The following PKHD1 variants were observed in gnomAD, a reference collection of about 807,000 sequenced individuals.
PKHD1 encodes PKHD1 ciliary IPT domain containing fibrocystin/polyductin.
A neutral mutation model predicts 412.0 loss-of-function variants in PKHD1; 291 were observed. The observed-to-expected ratio is 0.71, with a 90% CI of 0.64 to 0.78. PKHD1 has a LOEUF of 0.78. PKHD1 is among the 30% of genes least tolerant of loss of function. PKHD1 has a pLI of 0.00. For missense variants in PKHD1, 4,825 were observed against 4,950.7 expected (o/e 0.97, Z 0.76); for synonymous variants, 1,777 against 1,821.5 (o/e 0.98, Z 0.62).
intron 43 of PKHD1, among the ~76,000 whole-genome samples, chr6:51,888,345 G>T (rs1778534712): frequency 6.6e-6 from 1 of 152,068 alleles, no homozygotes; most frequent in Admixed American, 6.5e-5. Context: ...AACACAATGA[G>T]GTTATCTTTA....
At chr6:52,000,353 A>T (rs1798221223) in intron 35 of PKHD1, among the ~76,000 whole-genome samples, 1 of 152,224 alleles carries the variant, frequency 6.6e-6, no homozygotes, top group South Asian at 2.1e-4. Flanking sequence ...GCAATTTCAT[A>T]GCAAGCAGGC....
At chr6:51,904,440 C>T (rs543721760) in intron 41 of PKHD1, among the ~76,000 whole-genome samples, 1 of 152,186 alleles carries the variant, frequency 6.6e-6, no homozygotes, top group African/African-American at 2.4e-5. Flanking sequence ...CATCTAGGAC[C>T]TTCTCACCCA....
intron 35 of PKHD1, among the ~76,000 whole-genome samples, chr6:51,987,962 A>AT (rs1426746045): frequency 1.3e-5 from 2 of 152,078 alleles, no homozygotes; most frequent in South Asian, 2.1e-4. Context: ...TAAAATGGAG[A>AT]TTTTTTGAGG....
chr6:51,980,927 G>T (rs1434245488), intron 35 of PKHD1, among the ~76,000 whole-genome samples: 1 of 152,142 alleles, frequency 6.6e-6, no homozygotes, highest in Non-Finnish European at 1.5e-5. Context: ...TATCAAGATG[G>T]TAGAATGTTT....
chr6:51,888,800 A>G (rs1397864319), intron 43 of PKHD1, among the ~76,000 whole-genome samples: 1 of 149,746 alleles, frequency 6.7e-6, no homozygotes, highest in African/African-American at 2.5e-5. Context: ...TCTCAGTGTC[A>G]CACGCTCACA....
chr6:51,757,861 T>A (rs1403916666), intron 55 of PKHD1, among the ~76,000 whole-genome samples: 1 of 150,230 alleles, frequency 6.7e-6, no homozygotes, highest in African/African-American at 2.5e-5. Context: ...AAAAAAAAAA[T>A]GTAGCCTAGC....
chr6:52,006,012 C>T (rs1799000433), intron 35 of PKHD1, among the ~76,000 whole-genome samples: 1 of 149,678 alleles, frequency 6.7e-6, no homozygotes, highest in Non-Finnish European at 1.5e-5. Flanking sequence ...GGCTGTACCC[C>T]TCAATGGGAG....
At chr6:52,027,933 C>A in intron 30 of PKHD1, 37 bp from the exon 31 acceptor site, 2 of 1,502,632 alleles carry the variant, frequency 1.3e-6, no homozygotes, top group Non-Finnish European at 1.9e-6. Flanking sequence ...AAATAACTGA[C>A]AGAGAGAGAT....
chr6:51,789,075 T>C (rs892062493), intron 53 of PKHD1, among the ~76,000 whole-genome samples: 2 of 152,206 alleles, frequency 1.3e-5, no homozygotes, highest in Non-Finnish European at 2.9e-5. Flanking sequence ...CTGGGAATAG[T>C]TCTTTCTCCC....
intron 53 of PKHD1, among the ~76,000 whole-genome samples, chr6:51,787,180 G>A (rs1298510076): frequency 1.3e-5 from 2 of 152,120 alleles, no homozygotes; most frequent in African/African-American, 2.4e-5. Context: ...CCAACATGGT[G>A]AAACCCTGTC....
chr6:51,794,476 T>C (rs561645026), intron 52 of PKHD1, among the ~76,000 whole-genome samples: 3 of 152,274 alleles, frequency 2.0e-5, no homozygotes, highest in Non-Finnish European at 4.4e-5. Flanking sequence ...TGTAGCTTGA[T>C]TACCCTGATG....
rs777439001 is a variant in PKHD1 at position 51,619,524 on chromosome 6, G to A, written c.11786-4C>T. On this transcript the variant is annotated splice_polypyrimidine_tract_variant and splice_region_variant and intron_variant, in intron 66 of 66. Transcript: ENST00000371117. ...AGCATGACCTTCATTCTCATATCTGGGGGGAAAAGAAATAGGGGAAGAAAT... is the reference window on the plus strand; with the variant it reads ...AGCATGACCTTCATTCTCATATCTGAGGGGAAAAGAAATAGGGGAAGAAAT... 1.2e-6 allele frequency: 2 copies of A among 1,612,312 alleles called. No homozygotes were observed.
intron 35 of PKHD1, among the ~76,000 whole-genome samples, chr6:51,976,421 T>C (rs1794445173): frequency 6.6e-6 from 1 of 152,206 alleles, no homozygotes; most frequent in Non-Finnish European, 1.5e-5. Flanking sequence ...TAATTCCACT[T>C]GTATAAAGTG....
chr6:51,713,910 G>A (rs1780937200), intron 60 of PKHD1, among the ~76,000 whole-genome samples: 2 of 152,254 alleles, frequency 1.3e-5, no homozygotes, highest in South Asian at 4.2e-4. Flanking sequence ...AGCACAACTA[G>A]TCTCTCACCT....
In PKHD1 at chr6:52,025,196, G is replaced by A. The variant is rs1801959557; in HGVS notation, c.4614C>T (p.Cys1538=). Residue 1538 remains cysteine, a synonymous_variant, in exon 32 of 67, where the codon TGC becomes TGT. Transcript: ENST00000371117. ...GTCCTGGGGCCAAGTCTCTTGTCTGGCACACAACGTGGCTTGCATTAAAAA... is the reference window on the plus strand; with the variant it reads ...GTCCTGGGGCCAAGTCTCTTGTCTGACACACAACGTGGCTTGCATTAAAAA... ...VTFFNASHVV[C]QTRDLAPGPH... is the part of the protein sequence containing the mutation. 6.2e-7 allele frequency: 1 copy of A among 1,614,108 alleles called. No individual in the cohort carries two copies. Among genetic ancestry groups the A allele is most frequent in the Non-Finnish European group, 8.5e-7 (1 of 1,180,016 alleles).
rs1407883090 is a variant in PKHD1, at chr6:52,042,871, C to G, written c.3085G>C (p.Ala1029Pro). Reference sequence around the variant, plus strand: ...CTCCCCAGATTACCAATATCCGCAGCTCTGGAAGGCTCCACCATATCCAGT... The same window carrying G: ...CTCCCCAGATTACCAATATCCGCAGGTCTGGAAGGCTCCACCATATCCAGT... ...PRLDMVEPSR[A>P]ADIGGLWATI... Residue 1029 changes from alanine (A) to proline (P), a missense_variant, in exon 27 of 67, where the codon GCT becomes CCT. Transcript: ENST00000371117. 1 of 1,613,784 alleles carries G rather than the reference C, an allele frequency of 6.2e-7. No homozygotes were observed. The highest frequency in any genetic ancestry group is 1.3e-5 in the African/African-American group (1 of 75,018).
In PKHD1 at chr6:51,618,597, G is replaced by C; in HGVS notation, c.*484C>G. 1 of 191,418 alleles carries C rather than the reference G, an allele frequency of 5.2e-6. No individual in the cohort carries two copies. The highest frequency in any genetic ancestry group is 1.0e-4 in the South Asian group (1 of 9,982). 11.9% of individuals were successfully genotyped at this position (191,418 alleles called of 1,614,324 possible). A position where few individuals can be genotyped will look rare whatever the true frequency, so the allele number is the denominator to read the frequency against. ...GTAAGCTCTGACAGATCAGGGAGCA[G>C]GGTGTTGAACTGTCCCTTCAAATGC... On this transcript the variant is annotated 3_prime_UTR_variant, in exon 67 of 67. Transcript: ENST00000371117.
intron 55 of PKHD1, among the ~76,000 whole-genome samples, chr6:51,767,307 C>G (rs189506925): frequency 6.6e-6 from 1 of 151,190 alleles, no homozygotes; most frequent in Non-Finnish European, 1.5e-5. Context: ...ATTTTGGTGT[C>G]CCTCAGTATG....
At chr6:52,052,340 C>T (rs1408861308) in intron 21 of PKHD1, among the ~76,000 whole-genome samples, 3 of 152,178 alleles carry the variant, frequency 2.0e-5, no homozygotes, top group Admixed American at 6.5e-5. Flanking sequence ...AGGAGGAGGA[C>T]TTTGTCCCTA....
Sources: allele counts gnomAD v4.1 joint callset (sites outside exome capture counted in the v4.1 genomes callset), GRCh38; gene constraint gnomAD v4.1.1; transcripts MANE v1.5; gene names NCBI Gene and HGNC (gene_info 2026-07-23, HGNC 2026-07-21).